The following SYCP1 variants were observed in gnomAD, a reference collection of about 807,000 sequenced individuals.
The protein encoded by SYCP1 is cancer/testis antigen 8.
Under a neutral mutation model 153.1 loss-of-function variants are expected in SYCP1, and 64 were observed. The observed-to-expected ratio is 0.42, with a 90% CI of 0.34 to 0.51. The LOEUF (loss-of-function observed/expected upper bound fraction) is 0.51, where lower values mean the gene tolerates loss of function less well. Ranked by LOEUF, SYCP1 falls within the 20% of genes least tolerant of loss-of-function variation. The probability of loss-of-function intolerance (pLI) is 0.06; values close to 1 mark genes in which losing one functional copy is unlikely to be tolerated. For missense variants in SYCP1, 997 were observed against 1,049.0 expected, an observed-to-expected ratio of 0.95 and a Z score of 0.68; for synonymous variants, 384 against 341.8, an observed-to-expected ratio of 1.12 and a Z score of -1.36.
At chr1:114,902,987 C>G (rs1667571464) in intron 16 of SYCP1, among the ~76,000 whole-genome samples, 1 of 152,016 alleles carries the variant, frequency 6.6e-6, no homozygotes, top group Admixed American at 6.5e-5. Flanking sequence ...CGAGATCGGC[C>G]TAGACAGTAT....
chr1:114,921,678 A>C (rs762895079), intron 20 of SYCP1, among the ~76,000 whole-genome samples: 9 of 151,506 alleles, frequency 5.9e-5, no homozygotes, highest in Non-Finnish European at 8.8e-5. Flanking sequence ...AGATATGAGT[A>C]GTTACATTCC....
At chr1:114,857,603 CG>C in intron 5 of SYCP1, 106 bp downstream of exon 5, 1 of 895,786 alleles carries the variant, frequency 1.1e-6, no homozygotes, top group Non-Finnish European at 1.6e-6. Flanking sequence ...ATTTGATTAA[CG>C]TTTTAAGATA....
intron 15 of SYCP1, among the ~76,000 whole-genome samples, chr1:114,892,344 G>A (rs1294674339): frequency 6.6e-6 from 1 of 152,074 alleles, no homozygotes; most frequent in Admixed American, 6.5e-5. Context: ...AGTGTGCTGC[G>A]GCCCTGCTGC....
At position 114,858,478 on chromosome 1, in the gene SYCP1, C is replaced by A. The variant is rs1281535627; in HGVS notation, c.292-69C>A. ...TCAACTATTAGTATATGGATATTTT[C>A]AGTAGGCAGCTGTAGTTTGGTTATA... On this transcript the variant is annotated intron_variant, in intron 5 of 31. Coordinates refer to ENST00000369522, the MANE Select transcript of SYCP1 (RefSeq NM_003176.4). 6 of 1,329,198 alleles carry A rather than the reference C, an allele frequency of 4.5e-6. No individual in the cohort carries two copies. The Admixed American group carries it at 7.0e-5, about 16-fold the overall frequency. 82.3% of individuals were successfully genotyped at this position (1,329,198 alleles called of 1,614,324 possible).
chr1:114,932,986 A>G (rs1669742803), intron 23 of SYCP1, among the ~76,000 whole-genome samples: 1 of 152,202 alleles, frequency 6.6e-6, no homozygotes, highest in South Asian at 2.1e-4. Context: ...GTAGCTGAAC[A>G]CAAGGCAGCA....
In SYCP1 at chr1:114,887,720, C is replaced by T. The variant is rs202057104; in HGVS notation, c.1258+27C>T. The T allele has an allele frequency of 4.4e-6, 6 of 1,358,650 alleles. No homozygotes were observed. The East Asian group carries it at 1.5e-4, about 35-fold the overall frequency. The allele number at this position is 1,358,650 out of a possible 1,614,324, so 84.2% of individuals were successfully genotyped here. ...TAAGACTTAGAGAATAATGTGTGTA[C>T]TTTAATAATATTAACTTATTATAGA... On this transcript the variant is annotated intron_variant, in intron 15 of 31. Coordinates refer to ENST00000369522, the MANE Select transcript of SYCP1 (RefSeq NM_003176.4).
At chr1:114,869,866 C>G (rs1054814531) in intron 8 of SYCP1, among the ~76,000 whole-genome samples, 1 of 152,176 alleles carries the variant, frequency 6.6e-6, no homozygotes, top group South Asian at 2.1e-4. Context: ...ATGTTGAAAT[C>G]TTCAACTATA....
At chr1:114,971,397 A>G (rs907075771) in intron 27 of SYCP1, among the ~76,000 whole-genome samples, 1 of 152,066 alleles carries the variant, frequency 6.6e-6, no homozygotes. Flanking sequence ...GAAAGTTGGC[A>G]TTGACAGGCC....
At chr1:114,952,706 A>C (rs1018599682) in intron 27 of SYCP1, among the ~76,000 whole-genome samples, 2 of 152,040 alleles carry the variant, frequency 1.3e-5, no homozygotes, top group Non-Finnish European at 2.9e-5. Context: ...CCCACTGGGT[A>C]CTCTCCCACA....
intron 20 of SYCP1, among the ~76,000 whole-genome samples, chr1:114,920,773 A>C (rs1668814700): frequency 6.6e-6 from 1 of 152,032 alleles, no homozygotes; most frequent in Non-Finnish European, 1.5e-5. Flanking sequence ...GAAATCCATA[A>C]TGTCTGGCAT....
At chr1:114,899,151 T>C (rs767974183) in intron 16 of SYCP1, among the ~76,000 whole-genome samples, 31 of 152,250 alleles carry the variant, frequency 2.0e-4, no homozygotes, top group Non-Finnish European at 4.6e-4. Context: ...TGAATTCTTA[T>C]TGCACTGATG....
chr1:114,859,492 A>C (rs535382382), intron 6 of SYCP1, among the ~76,000 whole-genome samples: 1 of 152,356 alleles, frequency 6.6e-6, no homozygotes, highest in South Asian at 2.1e-4. Flanking sequence ...TATTTAGAGA[A>C]GATAATATTG....
chr1:114,972,036 C>G lies in SYCP1; in HGVS notation c.2323-5521C>G, dbSNP rs572750747. ...TGTTTGGTAAAATTTTGCAGTAAAG[C>G]CATTGGGTCCTAGGTTTTTCTTTGC... is the stretch of plus-strand genomic sequence containing the variant. On this transcript the variant is annotated intron_variant, in intron 27 of 31. Transcript: ENST00000369522. 1.1e-3 allele frequency among the ~76,000 whole-genome samples: 168 copies of G among 152,040 alleles called. 1 individual carries two copies. The highest frequency in any genetic ancestry group is 3.4e-3 in the Middle Eastern group (1 of 294).
chr1:114,968,885 G>T (rs1397683096), intron 27 of SYCP1, among the ~76,000 whole-genome samples: 3 of 152,220 alleles, frequency 2.0e-5, no homozygotes, highest in Non-Finnish European at 2.9e-5. Context: ...TTTAGTTGAT[G>T]TTGATGATAC....
At chr1:114,870,357 C>T (rs566784140) in intron 8 of SYCP1, among the ~76,000 whole-genome samples, 1 of 152,116 alleles carries the variant, frequency 6.6e-6, no homozygotes, top group South Asian at 2.1e-4. Flanking sequence ...GACAACTTTC[C>T]TTGCTTTGAA....
chr1:114,916,644 T>C (rs1570765042), intron 20 of SYCP1, among the ~76,000 whole-genome samples: 1 of 147,340 alleles, frequency 6.8e-6, no homozygotes, highest in East Asian at 1.9e-4. Flanking sequence ...CTCTAATCTT[T>C]TGAGGTTTTT....
chr1:114,886,126 G>T lies in SYCP1; in HGVS notation c.1007G>T (p.Ser336Ile), dbSNP rs769789316. 1 of 1,578,054 alleles carries T rather than the reference G, an allele frequency of 6.3e-7. No homozygotes were observed. Among genetic ancestry groups the T allele is most frequent in the Non-Finnish European group, 8.6e-7 (1 of 1,166,234 alleles). ...TGTTTTATACTTTATTTCATTTAGA[G>T]TACTCAAAAGGCTTTAGAGGAAGAT... is the stretch of plus-strand genomic sequence containing the variant. ...DIKVSLQRSV[S>I]TQKALEEDLQ... The change falls in exon 14 of 32, where the codon AGT becomes ATT. Residue 336 changes from serine to isoleucine, a missense_variant and splice_region_variant. Around this residue, in one of 2 missense-constraint regions of SYCP1, gnomAD observed 285 missense variants for 366.1 expected, o/e 0.78. Transcript: ENST00000369522.
intron 20 of SYCP1, among the ~76,000 whole-genome samples, chr1:114,916,413 T>C (rs1287236527): frequency 6.6e-6 from 1 of 152,070 alleles, no homozygotes; most frequent in African/African-American, 2.4e-5. Context: ...ATAGGTTGTA[T>C]CATTGTAAAC....
At chr1:114,937,708 C>G (rs1321253417) in intron 23 of SYCP1, among the ~76,000 whole-genome samples, 2 of 151,994 alleles carry the variant, frequency 1.3e-5, no homozygotes, top group African/African-American at 4.8e-5. Flanking sequence ...AGAAAAAAAT[C>G]AAACCACCCC....
Sources: allele counts gnomAD v4.1 joint callset (sites outside exome capture counted in the v4.1 genomes callset), GRCh38; gene constraint gnomAD v4.1.1; regional missense constraint gnomAD v4.1.1; transcripts MANE v1.5; gene names NCBI Gene and HGNC (gene_info 2026-07-23, HGNC 2026-07-21).